The following ST8SIA5 variants were observed in gnomAD, a reference collection of about 807,000 sequenced individuals.
The protein encoded by ST8SIA5 is ST8 alpha-N-acetyl-neuraminide alpha-2,8-sialyltransferase 5.
In ST8SIA5, 24 loss-of-function variants were observed where a neutral mutation model predicts 40.2. The ratio of observed to expected loss-of-function variants is 0.60; its 90% confidence interval spans 0.43 to 0.84. The LOEUF (loss-of-function observed/expected upper bound fraction) is 0.84. ST8SIA5 is among the 40% of genes least tolerant of loss of function. The probability of loss-of-function intolerance (pLI) is 0.00; values close to 1 mark genes in which losing one functional copy is unlikely to be tolerated. For missense variants in ST8SIA5, 465 were observed against 498.5 expected (o/e 0.93, Z 0.64); for synonymous variants, 198 against 201.8 (o/e 0.98, Z 0.16).
chr18:46,726,004 TATATATCCTGG>T lies in ST8SIA5; in HGVS notation c.132-21351_132-21341del, dbSNP rs1330087289. On this transcript the variant is annotated intron_variant, in intron 1 of 6. Transcript: ENST00000315087. ...ATATATATATATATATATATATATA[TATATATCCTGG>T]ATATATATATATATCCTGGATATAT... 1.7e-3 allele frequency among the ~76,000 whole-genome samples: 114 copies of T among 66,914 alleles called. 2 individuals carry two copies. Among genetic ancestry groups the T allele is most frequent in the East Asian group, 0.016 (16 of 998 alleles). 43.9% of individuals were successfully genotyped at this position (66,914 alleles called of 152,430 possible). A position where few individuals can be genotyped will look rare whatever the true frequency, so the allele number is the denominator to read the frequency against.
At chr18:46,696,193 C>T (rs1013839229) in intron 2 of ST8SIA5, among the ~76,000 whole-genome samples, 3 of 152,168 alleles carry the variant, frequency 2.0e-5, no homozygotes, top group Admixed American at 1.3e-4. Flanking sequence ...CCTCCTCCCA[C>T]CCTGGCTGAC....
intron 5 of ST8SIA5, among the ~76,000 whole-genome samples, chr18:46,682,860 C>T (rs1273511654): frequency 6.6e-6 from 1 of 152,082 alleles, no homozygotes; most frequent in Non-Finnish European, 1.5e-5. Context: ...TTGCCATGAG[C>T]CAAGGAATGC....
At chr18:46,710,361 T>TC (rs2039711536) in intron 1 of ST8SIA5, among the ~76,000 whole-genome samples, 2 of 142,448 alleles carry the variant, frequency 1.4e-5, no homozygotes, top group Admixed American at 7.3e-5. Flanking sequence ...TTTCCTTCTT[T>TC]CTTTTCTTTC....
chr18:46,743,897 G>A (rs963151483), intron 1 of ST8SIA5, among the ~76,000 whole-genome samples: 1 of 152,176 alleles, frequency 6.6e-6, no homozygotes, highest in Non-Finnish European at 1.5e-5. Context: ...AGAAGAGAGT[G>A]GGGGCCAATA....
intron 1 of ST8SIA5, among the ~76,000 whole-genome samples, chr18:46,717,140 C>G (rs1025900469): frequency 6.6e-6 from 1 of 152,210 alleles, no homozygotes; most frequent in Admixed American, 6.5e-5. Context: ...ACCGCTGCCT[C>G]CCCCTGCTCT....
At chr18:46,689,117 C>T (rs993313333) in intron 3 of ST8SIA5, 198 bp from the exon 4 acceptor site, 1 of 525,092 alleles carries the variant, frequency 1.9e-6, no homozygotes, top group East Asian at 3.4e-5. Flanking sequence ...TGCATGGAGC[C>T]GAGGCCTCTC....
intron 1 of ST8SIA5, among the ~76,000 whole-genome samples, chr18:46,739,557 CAG>C (rs1339730236): frequency 6.6e-6 from 1 of 152,154 alleles, no homozygotes; most frequent in Non-Finnish European, 1.5e-5. Context: ...CCTTGGCTGA[CAG>C]GGGAGAAACA....
At chr18:46,731,986 C>G (rs906275815) in intron 1 of ST8SIA5, 3 of 152,222 alleles carry the variant, frequency 2.0e-5, no homozygotes, top group African/African-American at 7.2e-5. Flanking sequence ...GCAACAAGAA[C>G]AGGGGAGGGT....
chr18:46,725,951 T>G (rs2144535911), intron 1 of ST8SIA5, among the ~76,000 whole-genome samples: 1 of 73,870 alleles, frequency 1.4e-5, no homozygotes, highest in African/African-American at 5.4e-5. Flanking sequence ...TGAAACCCCA[T>G]CTCTACTTAA....
chr18:46,725,972 A>AATATAT lies in ST8SIA5; in HGVS notation c.132-21314_132-21309dup, dbSNP rs1555696955. On this transcript the variant is annotated intron_variant, in intron 1 of 6. Transcript: ENST00000315087. ...CCCATCTCTACTTAAAAAAAAAAAA[A>AATATAT]ATATATATATATATATATATATATA... Among the ~76,000 whole-genome samples, 224 of 28,812 alleles carry AATATAT rather than the reference A, an allele frequency of 7.8e-3. 5 individuals carry two copies. Among genetic ancestry groups the AATATAT allele is most frequent in the South Asian group, 0.011 (8 of 706 alleles). 18.9% of individuals were successfully genotyped at this position (28,812 alleles called of 152,430 possible). A position where few individuals can be genotyped will look rare whatever the true frequency, so the allele number is the denominator to read the frequency against.
intron 1 of ST8SIA5, among the ~76,000 whole-genome samples, chr18:46,723,705 T>C (rs912779909): frequency 5.9e-5 from 9 of 152,006 alleles, no homozygotes; most frequent in African/African-American, 2.2e-4. Context: ...GCAGGCGGAC[T>C]GCCTGAGGCC....
intron 1 of ST8SIA5, among the ~76,000 whole-genome samples, chr18:46,719,753 T>G (rs1168681529): frequency 1.8e-4 from 23 of 130,452 alleles, no homozygotes; most frequent in African/African-American, 6.1e-4. Context: ...CCTTTCTTTC[T>G]TTTCTTTCTT....
chr18:46,747,274 T>G (rs1245952348), intron 1 of ST8SIA5, among the ~76,000 whole-genome samples: 8 of 151,930 alleles, frequency 5.3e-5, no homozygotes, highest in Admixed American at 5.2e-4. Flanking sequence ...ACCATCAGAG[T>G]GAACAAGCAA....
chr18:46,710,347 CTTCTTTCCTTCTTTCTTTTCTTTCTTTCT>C (rs2039711032), intron 1 of ST8SIA5, among the ~76,000 whole-genome samples: 2 of 132,744 alleles, frequency 1.5e-5, no homozygotes, highest in Non-Finnish European at 1.7e-5. Flanking sequence ...TCTTCCTTTC[CTTCTTTCCTTCTTTCTTTTCTTTCTTTCT>C]TTCTTTCTTT....
chr18:46,714,690 A>G (rs1340575678), intron 1 of ST8SIA5, among the ~76,000 whole-genome samples: 2 of 152,156 alleles, frequency 1.3e-5, no homozygotes, highest in African/African-American at 2.4e-5. Flanking sequence ...CAGGGGGGGA[A>G]GAGACCCCCT....
chr18:46,695,659 A>G (rs11872518), intron 2 of ST8SIA5, among the ~76,000 whole-genome samples: 12,988 of 152,208 alleles, frequency 0.085, 736 homozygotes, highest in East Asian at 0.17. Flanking sequence ...AAAACCTATG[A>G]CCTATCATGA....
At chr18:46,748,170 T>C (rs2040159261) in intron 1 of ST8SIA5, among the ~76,000 whole-genome samples, 1 of 152,102 alleles carries the variant, frequency 6.6e-6, no homozygotes, top group African/African-American at 2.4e-5. Flanking sequence ...TGTATACATA[T>C]GTAACAAACC....
chr18:46,741,022 A>G (rs2040082281), intron 1 of ST8SIA5, among the ~76,000 whole-genome samples: 1 of 152,182 alleles, frequency 6.6e-6, no homozygotes, highest in Non-Finnish European at 1.5e-5. Flanking sequence ...CTAAGCACCC[A>G]ACTTAGGAAG....
chr18:46,751,493 T>C (rs555345051), intron 1 of ST8SIA5, among the ~76,000 whole-genome samples: 10 of 152,136 alleles, frequency 6.6e-5, no homozygotes, highest in African/African-American at 2.4e-4. Flanking sequence ...ACCTCCCAGT[T>C]TCAAGCAATT....
Sources: allele counts gnomAD v4.1 joint callset (sites outside exome capture counted in the v4.1 genomes callset), GRCh38; gene constraint gnomAD v4.1.1; transcripts MANE v1.5; gene names NCBI Gene and HGNC (gene_info 2026-07-23, HGNC 2026-07-21).